The following ABTB2 variants were observed in gnomAD, a reference collection of about 807,000 sequenced individuals.
The protein encoded by ABTB2 is ankyrin repeat and BTB/POZ domain-containing protein 2.
A neutral mutation model predicts 104.1 loss-of-function variants in ABTB2; 56 were observed. That is an observed-to-expected ratio of 0.54 (90% CI 0.43 to 0.67). The LOEUF (loss-of-function observed/expected upper bound fraction) is 0.67. Ranked by LOEUF, ABTB2 falls within the 30% of genes least tolerant of loss-of-function variation. The pLI, the probability that ABTB2 is intolerant of heterozygous loss-of-function variation, is 0.00. For missense variants in ABTB2, 1,279 were observed against 1,407.7 expected, an observed-to-expected ratio of 0.91 and a Z score of 1.46; for synonymous variants, 606 against 608.2, an observed-to-expected ratio of 1.00 and a Z score of 0.05.
In ABTB2 at chr11:34,357,536, G is replaced by A; in HGVS notation, c.48C>T (p.Thr16=). 2.0e-6 allele frequency: 3 copies of A among 1,536,964 alleles called. No homozygotes were observed. Among genetic ancestry groups the A allele is most frequent in the Middle Eastern group, 1.7e-4 (1 of 5,982 alleles). The change falls in exon 1 of 17, where the codon ACC becomes ACT. Residue 16 remains threonine, a synonymous_variant. Transcript: ENST00000435224. ...CCCCGGCCCCATACCCGGAGTCCAA[G>A]GTCAAGTCCTCCAGCGTCTTCAGAG... is the stretch of plus-strand genomic sequence containing the variant. The part of the protein sequence containing the change: ...SSTLKTLEDL[T]LDSGYGAGDS...
chr11:34,221,487 A>T (rs1042776850), intron 1 of ABTB2, among the ~76,000 whole-genome samples: 1 of 152,204 alleles, frequency 6.6e-6, no homozygotes. Flanking sequence ...TGATTCCCCA[A>T]GTTTCCAAGG....
At chr11:34,288,292 T>C (rs1177539741) in intron 1 of ABTB2, among the ~76,000 whole-genome samples, 4 of 152,238 alleles carry the variant, frequency 2.6e-5, no homozygotes, top group Non-Finnish European at 4.4e-5. Context: ...TCTTATCACC[T>C]ACTTAGCTAG....
At chr11:34,324,654 T>G (rs1408642085) in intron 1 of ABTB2, among the ~76,000 whole-genome samples, 1 of 152,230 alleles carries the variant, frequency 6.6e-6, no homozygotes, top group Non-Finnish European at 1.5e-5. Context: ...CAGGAGGTTA[T>G]TAAATAGCAC....
intron 1 of ABTB2, among the ~76,000 whole-genome samples, chr11:34,209,297 G>A (rs1853446999): frequency 6.6e-6 from 1 of 151,734 alleles, no homozygotes; most frequent in African/African-American, 2.4e-5. Context: ...TGATGAGAAC[G>A]TGCCACTGCA....
intron 1 of ABTB2, among the ~76,000 whole-genome samples, chr11:34,205,116 T>TA (rs1167648877): frequency 1.3e-5 from 2 of 152,174 alleles, no homozygotes; most frequent in Admixed American, 1.3e-4. Flanking sequence ...GTGCTATACT[T>TA]AGGGTTCTGG....
At chr11:34,302,530 C>T (rs929791093) in intron 1 of ABTB2, among the ~76,000 whole-genome samples, 1 of 152,220 alleles carries the variant, frequency 6.6e-6, no homozygotes, top group African/African-American at 2.4e-5. Context: ...GGGGCTCAGG[C>T]TGCAGCCAGA....
intron 1 of ABTB2, among the ~76,000 whole-genome samples, chr11:34,220,451 G>T (rs541576121): frequency 2.6e-5 from 4 of 152,210 alleles, no homozygotes; most frequent in Non-Finnish European, 2.9e-5. Context: ...GATCAAAAGG[G>T]ATAATCAGCT....
At position 34,204,802 on chromosome 11, in the gene ABTB2, G is replaced by A. The variant is rs993514602; in HGVS notation, c.884-112C>T. On this transcript the variant is annotated intron_variant, in intron 1 of 16. Transcript: ENST00000435224. ...TGCTCCCCTGCTCTTGACAGAGAGA[G>A]GTTCAGGAGGTAAAATCTCTCTGAG... is the stretch of plus-strand genomic sequence containing the variant. 18 of 1,223,576 alleles carry A rather than the reference G, an allele frequency of 1.5e-5. No homozygotes were observed. In the South Asian group the frequency reaches 2.8e-4, roughly 19 times the overall value. The allele number at this position is 1,223,576 out of a possible 1,614,324, so 75.8% of individuals were successfully genotyped here. A position where few individuals can be genotyped will look rare whatever the true frequency, so the allele number is the denominator to read the frequency against.
At position 34,356,684 on chromosome 11, in the gene ABTB2, G is replaced by C; in HGVS notation, c.883+17C>G. The C allele has an allele frequency of 6.4e-7, 1 of 1,560,854 alleles. No individual in the cohort carries two copies. The highest frequency in any genetic ancestry group is 1.2e-5 in the South Asian group (1 of 85,326). ...TCTTGCCTACCCAGTCTGCCAGTCC[G>C]AGGCCCGCGCGCTTACCATTGGCGT... On this transcript the variant is annotated intron_variant, in intron 1 of 16. Transcript: ENST00000435224. The surrounding 1 kb of genome is among the most constrained non-coding windows in gnomAD (Gnocchi z 4.6).
intron 1 of ABTB2, among the ~76,000 whole-genome samples, chr11:34,217,829 A>G (rs1794742785): frequency 6.6e-6 from 1 of 152,208 alleles, no homozygotes; most frequent in African/African-American, 2.4e-5. Context: ...TTGGTATCAT[A>G]TACCTATGAG....
rs555692859 is a variant in ABTB2, at chr11:34,207,317, ATAT to A, written c.884-2630_884-2628del. Reference sequence around the variant, plus strand: ...TTTGTCAAAGGATTCCCAGAGAGAAATATTATGTCAATGGAGCTAGTAACAGGA... The same window carrying A: ...TTTGTCAAAGGATTCCCAGAGAGAAATATGTCAATGGAGCTAGTAACAGGA... On this transcript the variant is annotated intron_variant, in intron 1 of 16. Transcript: ENST00000435224. 4.0e-3 allele frequency among the ~76,000 whole-genome samples: 602 copies of A among 152,330 alleles called. 4 individuals are homozygous for A. Among genetic ancestry groups the A allele is most frequent in the Non-Finnish European group, 6.8e-3 (463 of 68,030 alleles).
intron 1 of ABTB2, among the ~76,000 whole-genome samples, chr11:34,271,591 G>A (rs1590236437): frequency 6.6e-6 from 1 of 152,078 alleles, no homozygotes; most frequent in East Asian, 1.9e-4. Context: ...ATAATTAGCT[G>A]GGTATGGTGG....
chr11:34,164,836 G>A lies in ABTB2; in HGVS notation c.1853-15C>T, dbSNP rs757143002. 5 of 1,585,550 alleles carry A rather than the reference G, an allele frequency of 3.2e-6. No individual in the cohort carries two copies. Among genetic ancestry groups the A allele is most frequent in the Non-Finnish European group, 4.3e-6 (5 of 1,171,514 alleles). ...CTCATAGTTCCCTGAAAGAGAAGGT[G>A]GGCAGCACGGAGGACACTGAGACAG... is the stretch of plus-strand genomic sequence containing the variant. On this transcript the variant is annotated splice_polypyrimidine_tract_variant and intron_variant, in intron 8 of 16. Transcript: ENST00000435224.
intron 3 of ABTB2, among the ~76,000 whole-genome samples, chr11:34,179,579 G>A (rs914358030): frequency 5.9e-5 from 9 of 152,208 alleles, no homozygotes; most frequent in African/African-American, 2.2e-4. Flanking sequence ...CCTTCCCTGT[G>A]GCATCCTCAC....
chr11:34,269,230 G>A (rs942698760), intron 1 of ABTB2, among the ~76,000 whole-genome samples: 3 of 152,128 alleles, frequency 2.0e-5, no homozygotes, highest in African/African-American at 2.4e-5. Context: ...GGTTTTCATC[G>A]GGAAGTGCCT....
rs72914584 is a variant in ABTB2 at position 34,314,219 on chromosome 11, G to A, written c.883+42482C>T. On this transcript the variant is annotated intron_variant, in intron 1 of 16. Coordinates refer to ENST00000435224, the MANE Select transcript of ABTB2 (RefSeq NM_145804.3). ...GGAAGGCTGGATAGATGGCCATGTC[G>A]CATGCCCAAGAGATCTTCCAGAGCA... 5.2e-3 allele frequency among the ~76,000 whole-genome samples: 789 copies of A among 152,246 alleles called. 4 individuals carry two copies. The highest frequency in any genetic ancestry group is 0.011 in the African/African-American group (447 of 41,530).
intron 14 of ABTB2, among the ~76,000 whole-genome samples, chr11:34,156,953 T>C (rs1482429052): frequency 6.6e-6 from 1 of 152,228 alleles, no homozygotes; most frequent in Non-Finnish European, 1.5e-5. Context: ...TTAATTACAA[T>C]GTATGCCTCA....
At chr11:34,265,661 G>GAA (rs1233763258) in intron 1 of ABTB2, among the ~76,000 whole-genome samples, 298 of 25,676 alleles carry the variant, frequency 0.012, 17 homozygotes, top group African/African-American at 0.036. Context: ...TCTGTCTCAA[G>GAA]AAAAAAAAAA....
At chr11:34,283,897 G>A (rs1854475122) in intron 1 of ABTB2, among the ~76,000 whole-genome samples, 1 of 152,234 alleles carries the variant, frequency 6.6e-6, no homozygotes, top group South Asian at 2.1e-4. Context: ...AAGGAAGAGA[G>A]AATGCTTCAC....
Sources: gnomAD v4.1 joint callset for allele counts (sites outside exome capture counted in the v4.1 genomes callset) on GRCh38, gnomAD v4.1.1 for gene constraint, Gnocchi (gnomAD v3.1) non-coding constraint, MANE v1.5 for transcripts, NCBI Gene and HGNC (gene_info 2026-07-23, HGNC 2026-07-21) for gene names.